Variants in CSGALNACT1 observed in about 807,000 individuals in gnomAD.
CSGALNACT1 encodes the protein chondroitin sulfate N-acetylgalactosaminyltransferase 1.
In CSGALNACT1, 52 loss-of-function variants were observed where a neutral mutation model predicts 51.0. That is an observed-to-expected ratio of 1.02 (90% CI 0.82 to 1.29). CSGALNACT1 has a LOEUF of 1.29. Among genes scored for constraint, CSGALNACT1 ranks in the 50% most tolerant of loss-of-function variants. The pLI is 0.00. For missense variants in CSGALNACT1, 935 were observed against 679.2 expected, an observed-to-expected ratio of 1.38 and a Z score of -4.19; for synonymous variants, 341 against 254.4, an observed-to-expected ratio of 1.34 and a Z score of -3.24.
At chr8:19,563,625 C>T (rs1172469618) in intron 3 of CSGALNACT1, among the ~76,000 whole-genome samples, 1 of 152,072 alleles carries the variant, frequency 6.6e-6, no homozygotes, top group African/African-American at 2.4e-5. Flanking sequence ...CCCACAGCCC[C>T]TGCCTTACTT....
intron 3 of CSGALNACT1, among the ~76,000 whole-genome samples, chr8:19,538,921 C>G (rs939670908): frequency 5.3e-5 from 8 of 152,160 alleles, no homozygotes; most frequent in Non-Finnish European, 1.0e-4. Context: ...ACCGCTCATC[C>G]TGAGATGTTG....
At chr8:19,555,036 C>T (rs930169914) in intron 3 of CSGALNACT1, among the ~76,000 whole-genome samples, 8 of 151,684 alleles carry the variant, frequency 5.3e-5, no homozygotes, top group African/African-American at 1.7e-4. Flanking sequence ...GTCAGGAGAT[C>T]GAGACCATCC....
intron 1 of CSGALNACT1, among the ~76,000 whole-genome samples, chr8:19,672,049 G>C (rs538979379): frequency 6.6e-6 from 1 of 152,212 alleles, no homozygotes; most frequent in East Asian, 1.9e-4. Flanking sequence ...CATTTACATA[G>C]AATTTGGTAC....
At chr8:19,463,272 A>C (rs2065949361) in intron 4 of CSGALNACT1, among the ~76,000 whole-genome samples, 2 of 152,122 alleles carry the variant, frequency 1.3e-5, no homozygotes, top group Non-Finnish European at 2.9e-5. Flanking sequence ...TGAATAGCAC[A>C]ATTTCATCTC....
intron 3 of CSGALNACT1, among the ~76,000 whole-genome samples, chr8:19,560,058 A>T (rs2040359928): frequency 6.6e-6 from 1 of 152,228 alleles, no homozygotes; most frequent in Non-Finnish European, 1.5e-5. Context: ...TGACTAGAAC[A>T]CTTGGAAATA....
At chr8:19,472,641 G>A (rs567113627) in intron 4 of CSGALNACT1, among the ~76,000 whole-genome samples, 1 of 152,300 alleles carries the variant, frequency 6.6e-6, no homozygotes, top group South Asian at 2.1e-4. Context: ...CTCTTTCAAG[G>A]TGAATCAACT....
chr8:19,715,937 C>A (rs1256320767), intron 1 of CSGALNACT1, among the ~76,000 whole-genome samples: 1 of 152,152 alleles, frequency 6.6e-6, no homozygotes, highest in Non-Finnish European at 1.5e-5. Flanking sequence ...TTCAGTCTTT[C>A]CTGTGCACCA....
intron 1 of CSGALNACT1, among the ~76,000 whole-genome samples, chr8:19,664,494 C>T (rs2059019423): frequency 6.6e-6 from 1 of 152,122 alleles, no homozygotes; most frequent in Non-Finnish European, 1.5e-5. Flanking sequence ...GGTATCTACC[C>T]AAAGGAAAAA....
Position 19,540,471 on chromosome 8 carries a change from A to G in CSGALNACT1, c.-296-34341T>C, listed in dbSNP as rs142448643. Reference sequence around the variant, plus strand: ...TTTGAGTTCACAGTTTCTGACACACAGTATCTGCTTATAAACACTTGTTTT... The same window carrying G: ...TTTGAGTTCACAGTTTCTGACACACGGTATCTGCTTATAAACACTTGTTTT... On this transcript the variant is annotated intron_variant, in intron 3 of 9. Coordinates refer to ENST00000454498, the Ensembl canonical transcript of CSGALNACT1. 6.4e-4 allele frequency among the ~76,000 whole-genome samples: 98 copies of G among 152,372 alleles called. No individual in the cohort carries two copies. In the Middle Eastern group the frequency reaches 0.017, roughly 26 times the overall value.
Position 19,488,139 on chromosome 8 carries a change from C to A in CSGALNACT1, c.634+17062G>T, listed in dbSNP as rs533319896. ...ACGAGGTGGGTGGATCACCTAAGGT[C>A]AGGAGCTCGAGACCAGCCTGGCCAA... On this transcript the variant is annotated intron_variant, in intron 4 of 9. Coordinates refer to ENST00000454498, the Ensembl canonical transcript of CSGALNACT1. Among the ~76,000 whole-genome samples, 57 of 151,818 alleles carry A rather than the reference C, an allele frequency of 3.8e-4. 1 individual carries two copies. The highest frequency in any genetic ancestry group is 5.3e-4 in the Non-Finnish European group (36 of 67,950).
At chr8:19,488,383 A>ATT (rs2073552854) in intron 4 of CSGALNACT1, among the ~76,000 whole-genome samples, 2 of 25,552 alleles carry the variant, frequency 7.8e-5, no homozygotes, top group African/African-American at 6.2e-4. Context: ...ATATATATAT[A>ATT]TATATATATA....
At chr8:19,627,640 A>G (rs2054616424) in intron 1 of CSGALNACT1, among the ~76,000 whole-genome samples, 1 of 152,136 alleles carries the variant, frequency 6.6e-6, no homozygotes, top group South Asian at 2.1e-4. Context: ...CCTGGGCAAC[A>G]AAGCGAGACC....
At chr8:19,715,896 C>A (rs1209145287) in intron 1 of CSGALNACT1, among the ~76,000 whole-genome samples, 2 of 152,148 alleles carry the variant, frequency 1.3e-5, no homozygotes, top group African/African-American at 2.4e-5. Context: ...ATTGCCAAGT[C>A]TATTTTCCAG....
intron 1 of CSGALNACT1, among the ~76,000 whole-genome samples, chr8:19,645,071 A>T (rs1443195381): frequency 6.6e-6 from 1 of 152,220 alleles, no homozygotes; most frequent in Non-Finnish European, 1.5e-5. Flanking sequence ...TAAAAATAAA[A>T]TCATCAATAA....
At chr8:19,453,113 A>G (rs549531469) in intron 5 of CSGALNACT1, among the ~76,000 whole-genome samples, 1 of 152,346 alleles carries the variant, frequency 6.6e-6, no homozygotes, top group South Asian at 2.1e-4. Flanking sequence ...GAATAAAATT[A>G]AAAGAAAAAG....
intron 1 of CSGALNACT1, among the ~76,000 whole-genome samples, chr8:19,640,805 A>G (rs2056647356): frequency 6.6e-6 from 1 of 152,208 alleles, no homozygotes; most frequent in African/African-American, 2.4e-5. Context: ...ACTTGAAAAA[A>G]GATTATGAAA....
chr8:19,459,811 A>G (rs921737871), intron 4 of CSGALNACT1, among the ~76,000 whole-genome samples: 19 of 152,222 alleles, frequency 1.2e-4, no homozygotes, highest in African/African-American at 4.3e-4. Flanking sequence ...AATGTTAGCC[A>G]TCTTCACAAC....
intron 8 of CSGALNACT1, among the ~76,000 whole-genome samples, chr8:19,417,383 A>G (rs2057097127): frequency 1.3e-5 from 2 of 152,218 alleles, no homozygotes; most frequent in African/African-American, 4.8e-5. Context: ...AACTTTCTGG[A>G]AAATATCATA....
At chr8:19,556,353 G>C (rs563907865) in intron 3 of CSGALNACT1, among the ~76,000 whole-genome samples, 3 of 149,972 alleles carry the variant, frequency 2.0e-5, no homozygotes, top group African/African-American at 7.4e-5. Flanking sequence ...CTCCAGCCTA[G>C]GCAACAAGAG....
Sources: gnomAD v4.1 joint callset for allele counts (sites outside exome capture counted in the v4.1 genomes callset) on GRCh38, gnomAD v4.1.1 for gene constraint, MANE v1.5 for transcripts, NCBI Gene and HGNC (gene_info 2026-07-23, HGNC 2026-07-21) for gene names.